COA8: variants seen among roughly 807,000 people sequenced by gnomAD.
The protein encoded by COA8 is cytochrome c oxidase assembly factor 8.
Under a neutral mutation model 22.0 loss-of-function variants are expected in COA8, and 20 were observed. That is an observed-to-expected ratio of 0.91 (90% confidence interval 0.64 to 1.32). The LOEUF is 1.32. COA8 is among the 40% of genes most tolerant of loss of function. The pLI is 0.00. For missense variants in COA8, 266 were observed against 230.0 expected, an observed-to-expected ratio of 1.16 and a Z score of -1.01; for synonymous variants, 105 against 79.9, an observed-to-expected ratio of 1.31 and a Z score of -1.68.
At chr14:103,583,228 C>A (rs796743398) in intron 3 of COA8, among the ~76,000 whole-genome samples, 6 of 152,224 alleles carry the variant, frequency 3.9e-5, no homozygotes, top group African/African-American at 1.4e-4. Context: ...TGTATACCTA[C>A]AGGTGAACTG....
At position 103,590,625 on chromosome 14, in the gene COA8, T is replaced by C. The variant is rs141963690; in HGVS notation, c.*339T>C. The C allele has an allele frequency of 0.013, 2,496 of 191,056 alleles. 67 individuals carry two copies. The highest frequency in any genetic ancestry group is 0.055 in the African/African-American group (2,329 of 42,098). The allele number at this position is 191,056 out of a possible 1,614,324, so 11.8% of individuals were successfully genotyped here. A position where few individuals can be genotyped will look rare whatever the true frequency, so the allele number is the denominator to read the frequency against. ...GCTCACACCTGTAATCCCAGCACTTTGGGAGGCCGAGGCGGGTGGATCACT... is the reference window on the plus strand; with the variant it reads ...GCTCACACCTGTAATCCCAGCACTTCGGGAGGCCGAGGCGGGTGGATCACT... On this transcript the variant is annotated 3_prime_UTR_variant, in exon 5 of 5. Transcript: ENST00000409074.
intron 3 of COA8, chr14:103,579,423 C>T (rs2076251188): frequency 5.1e-6 from 1 of 196,056 alleles, no homozygotes; most frequent in Non-Finnish European, 1.1e-5. Context: ...GATCTCGGCT[C>T]ACTGCAAACT....
At chr14:103,575,145 T>C (rs1008698728) in intron 3 of COA8, among the ~76,000 whole-genome samples, 9 of 152,236 alleles carry the variant, frequency 5.9e-5, no homozygotes, top group Non-Finnish European at 1.3e-4. Flanking sequence ...CGCATGTGTG[T>C]GCGTACGTGC....
At chr14:103,579,734 G>A (rs1054487040) in intron 3 of COA8, among the ~76,000 whole-genome samples, 5 of 151,336 alleles carry the variant, frequency 3.3e-5, no homozygotes, top group Non-Finnish European at 4.4e-5. Context: ...AGGCTGAGGC[G>A]GGCAGATCAC....
intron 1 of COA8, among the ~76,000 whole-genome samples, chr14:103,565,609 T>G (rs1272887542): frequency 1.3e-5 from 2 of 151,266 alleles, no homozygotes; most frequent in African/African-American, 4.9e-5. Context: ...CTCCCCACCT[T>G]TTTTTTTAAT....
intron 1 of COA8, among the ~76,000 whole-genome samples, chr14:103,568,516 TATACACACAC>T (rs954868522): frequency 7.9e-5 from 12 of 151,198 alleles, no homozygotes; most frequent in African/African-American, 2.5e-4. Flanking sequence ...TATACATATA[TATACACACAC>T]ATACACATAT....
In COA8 at chr14:103,570,917, G is replaced by A. The variant is rs191761043; in HGVS notation, c.124-706G>A. 2.9e-3 allele frequency among the ~76,000 whole-genome samples: 439 copies of A among 152,312 alleles called. 1 individual carries two copies. The highest frequency in any genetic ancestry group is 9.8e-3 in the African/African-American group (409 of 41,568). On this transcript the variant is annotated intron_variant, in intron 1 of 4. Coordinates refer to ENST00000409074, the MANE Select transcript of COA8 (RefSeq NM_001370595.2). Reference sequence around the variant, plus strand: ...GGTCTGGGTGCAATCACAGGGGTGTGGGACTCATCCTCCTGCATGCCGAGT... The same window carrying A: ...GGTCTGGGTGCAATCACAGGGGTGTAGGACTCATCCTCCTGCATGCCGAGT...
chr14:103,575,884 G>A (rs2076226360), intron 3 of COA8, among the ~76,000 whole-genome samples: 1 of 152,044 alleles, frequency 6.6e-6, no homozygotes, highest in Admixed American at 6.5e-5. Flanking sequence ...TGTGTTTTTT[G>A]TAGAGACGGA....
intron 3 of COA8, among the ~76,000 whole-genome samples, chr14:103,586,571 G>A (rs184117420): frequency 6.6e-6 from 1 of 150,800 alleles, no homozygotes; most frequent in African/African-American, 2.4e-5. Flanking sequence ...TCTATCTCTT[G>A]ATCTTCTGAT....
intron 3 of COA8, among the ~76,000 whole-genome samples, chr14:103,583,049 A>G (rs2076279856): frequency 6.6e-6 from 1 of 151,920 alleles, no homozygotes; most frequent in Non-Finnish European, 1.5e-5. Context: ...AATGTTTTCA[A>G]GATTTATTTA....
Position 103,581,680 on chromosome 14 carries a change from G to T in COA8, c.386-5594G>T, listed in dbSNP as rs756331550. 3.0e-5 allele frequency: 12 copies of T among 398,596 alleles called. No homozygotes were observed. The highest frequency in any genetic ancestry group is 4.9e-5 in the Non-Finnish European group (11 of 226,142). 24.7% of individuals were successfully genotyped at this position (398,596 alleles called of 1,614,324 possible). ...CAGTTGAGTAAACCGAGGCACAGAA[G>T]AAAATGAAGTAGCCCCAGATGACGT... On this transcript the variant is annotated intron_variant, in intron 3 of 4. Transcript: ENST00000409074. This position sits in a 1 kb window ranked among gnomAD's most constrained non-coding sequence, Gnocchi z 4.1.
At chr14:103,583,267 C>T (rs369973340) in intron 3 of COA8, among the ~76,000 whole-genome samples, 34 of 152,156 alleles carry the variant, frequency 2.2e-4, no homozygotes, top group African/African-American at 7.0e-4. Context: ...TGGCCTGGCG[C>T]GGTGGCTCAC....
intron 3 of COA8, among the ~76,000 whole-genome samples, chr14:103,583,409 C>T (rs1020885240): frequency 8.6e-5 from 13 of 151,944 alleles, no homozygotes; most frequent in Non-Finnish European, 1.5e-4. Flanking sequence ...GGTGTGGTGG[C>T]GGGCGCCTGT....
At chr14:103,574,488 T>C in intron 3 of COA8, 1 of 534,424 alleles carries the variant, frequency 1.9e-6, no homozygotes, top group Non-Finnish European at 3.6e-6. Flanking sequence ...TTCTGATTCC[T>C]GATCTCAGTT....
At chr14:103,586,759 G>T (rs1208460415) in intron 3 of COA8, among the ~76,000 whole-genome samples, 2 of 151,498 alleles carry the variant, frequency 1.3e-5, no homozygotes, top group African/African-American at 4.9e-5. Context: ...AGTAGAGACG[G>T]GGTTTCACCA....
intron 1 of COA8, among the ~76,000 whole-genome samples, chr14:103,564,366 C>G (rs558392858): frequency 1.3e-5 from 2 of 152,178 alleles, no homozygotes; most frequent in East Asian, 3.9e-4. Context: ...TGCCTTCTAT[C>G]CCTAGAACAT....
chr14:103,572,654 C>G (rs1177673948), intron 2 of COA8, among the ~76,000 whole-genome samples: 5 of 151,930 alleles, frequency 3.3e-5, no homozygotes, highest in African/African-American at 1.2e-4. Context: ...TGCTTGAACC[C>G]AGGAGGCGGA....
rs562272651 is a variant in COA8, at chr14:103,563,167, G to C, written c.123+43G>C. On this transcript the variant is annotated intron_variant, in intron 1 of 4. Transcript: ENST00000409074. The stretch of plus-strand genomic sequence containing the variant: ...GACATTGGGCCGGGAGGGGTGACCG[G>C]AAGGGAAGACAAACCCGGGCCTCGG... 162 of 1,538,280 alleles carry C rather than the reference G, an allele frequency of 1.1e-4. 4 individuals are homozygous for C. The South Asian group carries it at 1.8e-3, about 17-fold the overall frequency.
intron 1 of COA8, among the ~76,000 whole-genome samples, chr14:103,564,218 G>A (rs1167787044): frequency 6.6e-6 from 1 of 152,094 alleles, no homozygotes; most frequent in African/African-American, 2.4e-5. Flanking sequence ...CTGTTGGGCT[G>A]TGGCTGTTAG....
Sources: gnomAD v4.1 joint callset for allele counts (sites outside exome capture counted in the v4.1 genomes callset) on GRCh38, gnomAD v4.1.1 for gene constraint, Gnocchi (gnomAD v3.1) non-coding constraint, MANE v1.5 for transcripts, NCBI Gene and HGNC (gene_info 2026-07-23, HGNC 2026-07-21) for gene names.